The following RBMS3 variants were observed in gnomAD, a reference collection of about 807,000 sequenced individuals.
RBMS3 encodes RNA-binding motif, single-stranded-interacting protein 3.
In RBMS3, 27 loss-of-function variants were observed where a neutral mutation model predicts 66.8. That is an observed-to-expected ratio of 0.40 (90% confidence interval 0.30 to 0.56). The LOEUF is 0.56. RBMS3 is among the 20% of genes least tolerant of loss of function. The pLI, the probability that RBMS3 is intolerant of heterozygous loss-of-function variation, is 0.40. For missense variants in RBMS3, 513 were observed against 549.5 expected (o/e 0.93, Z 0.66); for synonymous variants, 188 against 183.0 (o/e 1.03, Z -0.22).
chr3:29,420,586 T>TTTTA (rs750825556), intron 1 of RBMS3, among the ~76,000 whole-genome samples: 76 of 151,878 alleles, frequency 5.0e-4, no homozygotes, highest in African/African-American at 1.8e-3. Context: ...TTTTGTTTTG[T>TTTTA]TTTTATCAAC....
chr3:29,793,731 A>G (rs2057089202), intron 6 of RBMS3, among the ~76,000 whole-genome samples: 1 of 152,216 alleles, frequency 6.6e-6, no homozygotes, highest in Non-Finnish European at 1.5e-5. Context: ...TGTGGCTTAC[A>G]CGCTGTTTCA....
intron 3 of RBMS3, among the ~76,000 whole-genome samples, chr3:29,566,967 C>T (rs1408305893): frequency 6.6e-6 from 1 of 152,114 alleles, no homozygotes; most frequent in East Asian, 1.9e-4. Context: ...TTAAATTCAT[C>T]TTCTCCATTA....
chr3:29,822,131 G>T (rs1485670129), intron 6 of RBMS3, among the ~76,000 whole-genome samples: 1 of 152,132 alleles, frequency 6.6e-6, no homozygotes, highest in South Asian at 2.1e-4. Flanking sequence ...CATCACAGTG[G>T]CAGGTGCTTC....
chr3:29,415,173 C>T (rs2040430093), intron 1 of RBMS3, among the ~76,000 whole-genome samples: 1 of 151,974 alleles, frequency 6.6e-6, no homozygotes, highest in South Asian at 2.1e-4. Context: ...TCAACAGGGC[C>T]CTCGTAAGTG....
At chr3:29,384,104 C>T (rs2038894049) in intron 1 of RBMS3, among the ~76,000 whole-genome samples, 1 of 151,902 alleles carries the variant, frequency 6.6e-6, no homozygotes. Flanking sequence ...TTGTTTTAGC[C>T]CAGGAGTTCA....
intron 1 of RBMS3, among the ~76,000 whole-genome samples, chr3:29,319,807 T>G (rs1051188229): frequency 1.3e-5 from 2 of 152,038 alleles, no homozygotes; most frequent in Non-Finnish European, 2.9e-5. Flanking sequence ...ATCTGATACC[T>G]AGACTTGTTT....
At chr3:29,354,488 G>A (rs6774506) in intron 1 of RBMS3, among the ~76,000 whole-genome samples, 36,215 of 152,034 alleles carry the variant, frequency 0.24, 4,889 homozygotes, top group Non-Finnish European at 0.3. Flanking sequence ...ACATACGTGT[G>A]TGTGTGTGTT....
At chr3:29,361,457 C>A (rs1164322942) in intron 1 of RBMS3, among the ~76,000 whole-genome samples, 5 of 152,200 alleles carry the variant, frequency 3.3e-5, no homozygotes, top group African/African-American at 1.2e-4. Flanking sequence ...GTAACCCAAC[C>A]TTTCTCTCTG....
At chr3:29,989,482 T>G (rs960805517) in intron 13 of RBMS3, among the ~76,000 whole-genome samples, 6 of 152,176 alleles carry the variant, frequency 3.9e-5, no homozygotes, top group African/African-American at 1.4e-4. Flanking sequence ...CTCCATTTGT[T>G]GGCAAGCAAC....
At chr3:29,769,758 A>G in intron 6 of RBMS3, among the ~76,000 whole-genome samples, 1 of 151,928 alleles carries the variant, frequency 6.6e-6, no homozygotes, top group Non-Finnish European at 1.5e-5. Context: ...TTAAATGACA[A>G]TCATACATAT....
chr3:29,396,882 CAGGGA>C (rs1353303165), intron 1 of RBMS3, among the ~76,000 whole-genome samples: 1 of 152,102 alleles, frequency 6.6e-6, no homozygotes, highest in African/African-American at 2.4e-5. Context: ...TACAATCAGG[CAGGGA>C]CGTTTTCTCT....
chr3:29,776,607 A>G (rs2056436366), intron 6 of RBMS3, among the ~76,000 whole-genome samples: 1 of 152,048 alleles, frequency 6.6e-6, no homozygotes, highest in South Asian at 2.1e-4. Context: ...AGCCCCACAA[A>G]GAATTCTGGC....
intron 6 of RBMS3, among the ~76,000 whole-genome samples, chr3:29,795,348 C>A (rs2057147229): frequency 6.6e-6 from 1 of 152,204 alleles, no homozygotes; most frequent in African/African-American, 2.4e-5. Flanking sequence ...CTGAAAACCT[C>A]CAGGCTGAGT....
At chr3:29,771,366 C>T (rs542236010) in intron 6 of RBMS3, among the ~76,000 whole-genome samples, 53 of 152,068 alleles carry the variant, frequency 3.5e-4, no homozygotes, top group Non-Finnish European at 1.0e-4. Flanking sequence ...AAGGACTGCA[C>T]CTTACTGTTT....
At position 29,743,197 on chromosome 3, in the gene RBMS3, T is replaced by C. The variant is rs144131184; in HGVS notation, c.557+3320T>C. ...GGCTGTGCATTTTCTCAAGCAATTA[T>C]GGCTTTTGCCTTAACTAATTTGATC... On this transcript the variant is annotated intron_variant, in intron 5 of 14. Transcript: ENST00000383767. Among the ~76,000 whole-genome samples the C allele has an allele frequency of 8.5e-3, 1,295 of 152,318 alleles. 22 individuals carry two copies. Among genetic ancestry groups the C allele is most frequent in the African/African-American group, 0.029 (1,212 of 41,554 alleles).
chr3:29,880,058 A>T (rs1015649677), intron 7 of RBMS3, among the ~76,000 whole-genome samples: 1 of 152,192 alleles, frequency 6.6e-6, no homozygotes, highest in African/African-American at 2.4e-5. Flanking sequence ...AAAAATAAAG[A>T]TGCATTTGTT....
chr3:29,659,254 C>G (rs1456225062), intron 4 of RBMS3, among the ~76,000 whole-genome samples: 2 of 152,098 alleles, frequency 1.3e-5, no homozygotes, highest in Non-Finnish European at 2.9e-5. Context: ...ACCATCTTAA[C>G]CATTTTTAAA....
intron 3 of RBMS3, among the ~76,000 whole-genome samples, chr3:29,535,834 T>C (rs564241705): frequency 6.6e-6 from 1 of 150,600 alleles, no homozygotes; most frequent in Admixed American, 6.6e-5. Flanking sequence ...TCATTTATAA[T>C]TTAAACAAGT....
At chr3:29,957,607 A>T (rs771412735) in intron 12 of RBMS3, among the ~76,000 whole-genome samples, 5 of 152,276 alleles carry the variant, frequency 3.3e-5, no homozygotes, top group Middle Eastern at 3.4e-3. Flanking sequence ...GAAATAATTT[A>T]AGATATTGGT....
Sources: allele counts gnomAD v4.1 joint callset (sites outside exome capture counted in the v4.1 genomes callset), GRCh38; gene constraint gnomAD v4.1.1; transcripts MANE v1.5; gene names NCBI Gene and HGNC (gene_info 2026-07-23, HGNC 2026-07-21).